The following GALNT14 variants were observed in gnomAD, a reference collection of about 807,000 sequenced individuals.
GALNT14 encodes the protein polypeptide N-acetylgalactosaminyltransferase 14, also known as UDP-GalNAc:polypeptide N-acetylgalactosaminyltransferase 14.
GALNT14 carries 60 observed loss-of-function variants against 77.5 expected under a neutral mutation model. The ratio of observed to expected loss-of-function variants is 0.77; its 90% confidence interval spans 0.63 to 0.96. The LOEUF (loss-of-function observed/expected upper bound fraction) is 0.96. Ranked by LOEUF, GALNT14 falls within the 40% of genes least tolerant of loss-of-function variation. The probability of loss-of-function intolerance (pLI) is 0.00; values close to 1 mark genes in which losing one functional copy is unlikely to be tolerated. For missense variants in GALNT14, 710 were observed against 731.0 expected (o/e 0.97, Z 0.33); for synonymous variants, 280 against 281.7 (o/e 0.99, Z 0.06).
chr2:30,986,132 T>C lies in GALNT14; in HGVS notation c.299+6706A>G, dbSNP rs929321004. Among the ~76,000 whole-genome samples the C allele has an allele frequency of 8.5e-5, 13 of 152,090 alleles. No individual in the cohort carries two copies. In the South Asian group the frequency reaches 2.7e-3, roughly 32 times the overall value. ...ATGTATCAAAGTGTAGAATTTTCCCTACAGGCAAGTGATGGGCGCCCCACT... is the reference window on the plus strand; with the variant it reads ...ATGTATCAAAGTGTAGAATTTTCCCCACAGGCAAGTGATGGGCGCCCCACT... On this transcript the variant is annotated intron_variant, in intron 2 of 14. Transcript: ENST00000349752.
At chr2:30,979,291 TG>T (rs1668838019) in intron 2 of GALNT14, among the ~76,000 whole-genome samples, 1 of 150,576 alleles carries the variant, frequency 6.6e-6, no homozygotes, top group Admixed American at 6.6e-5. Context: ...AAAATGGGAG[TG>T]GGGGGAGAGC....
intron 1 of GALNT14, chr2:31,132,651 C>T (rs921581964): frequency 1.7e-5 from 8 of 460,326 alleles, no homozygotes; most frequent in African/African-American, 1.4e-4. Context: ...CATCTTGCTT[C>T]TAACTTCCAA....
At chr2:30,953,302 T>TTCC (rs1408729598) in intron 6 of GALNT14, among the ~76,000 whole-genome samples, 1 of 145,964 alleles carries the variant, frequency 6.9e-6, no homozygotes, top group African/African-American at 2.6e-5. Context: ...AATAATTTCC[T>TTCC]TCCTTTTTTT....
At chr2:31,101,669 G>T (rs1677283907) in intron 1 of GALNT14, among the ~76,000 whole-genome samples, 1 of 152,000 alleles carries the variant, frequency 6.6e-6, no homozygotes. Context: ...CTTATTGTAT[G>T]CATCTGCACT....
intron 13 of GALNT14, among the ~76,000 whole-genome samples, chr2:30,920,402 G>A (rs1349027103): frequency 6.6e-6 from 1 of 152,146 alleles, no homozygotes; most frequent in African/African-American, 2.4e-5. Context: ...GGGGTTTGAG[G>A]GGCAGATGTG....
intron 4 of GALNT14, among the ~76,000 whole-genome samples, chr2:30,957,344 G>A (rs539600532): frequency 2.0e-4 from 31 of 152,232 alleles, no homozygotes; most frequent in African/African-American, 6.3e-4. Context: ...GTGATTTACA[G>A]GTCTAGGATT....
At chr2:30,895,432 A>G in the GALNT14 span, among the ~76,000 whole-genome samples, 1 of 152,198 alleles carries the variant, frequency 6.6e-6, no homozygotes, top group South Asian at 2.1e-4. Context: ...CCTGCCTCCC[A>G]CAGCCCTCCT....
intron 6 of GALNT14, among the ~76,000 whole-genome samples, chr2:30,951,760 A>G (rs72853902): frequency 0.018 from 2,712 of 152,330 alleles, 30 homozygotes; most frequent in Admixed American, 0.049. Context: ...CTGCACCCAT[A>G]GAGGCCTGGG....
At chr2:30,952,639 T>G (rs1247171151) in intron 6 of GALNT14, among the ~76,000 whole-genome samples, 3 of 143,342 alleles carry the variant, frequency 2.1e-5, no homozygotes, top group Non-Finnish European at 4.6e-5. Context: ...AGGGATAGCA[T>G]CGGGAGATAT....
In GALNT14 at chr2:30,929,409, C is replaced by T. The variant is rs1665590387; in HGVS notation, c.1137G>A (p.Glu379=). 1.2e-6 allele frequency: 2 copies of T among 1,614,072 alleles called. No homozygotes were observed. The highest frequency in any genetic ancestry group is 3.3e-5 in the Admixed American group (2 of 60,024). ...YYYAARPFAL[E]RPFGNVESRL... is the part of the protein sequence containing the mutation. The stretch of plus-strand genomic sequence containing the variant: ...GGGACACTTACTTCCCGAAGGGCCT[C>T]TCCAGGGCGAATGGCCGGGCAGCGT... The change falls in exon 11 of 15, where the codon GAG becomes GAA. Residue 379 remains glutamate (E), a synonymous_variant. Transcript: ENST00000349752.
At chr2:31,050,694 G>A (rs981107384) in intron 1 of GALNT14, among the ~76,000 whole-genome samples, 3 of 152,022 alleles carry the variant, frequency 2.0e-5, no homozygotes, top group Admixed American at 6.6e-5. Flanking sequence ...GGGGAACTGG[G>A]TGAGGGGTAT....
At chr2:31,095,403 A>G (rs1469354988) in intron 1 of GALNT14, among the ~76,000 whole-genome samples, 1 of 152,108 alleles carries the variant, frequency 6.6e-6, no homozygotes, top group Admixed American at 6.5e-5. Flanking sequence ...CTCAGTAATA[A>G]CTGGACACAC....
intron 1 of GALNT14, among the ~76,000 whole-genome samples, chr2:31,120,064 G>A (rs1428896659): frequency 2.0e-5 from 2 of 98,282 alleles, no homozygotes; most frequent in African/African-American, 3.0e-5. Context: ...GCTGAGGCAG[G>A]AGAATGGCGT....
intron 1 of GALNT14, chr2:31,129,522 A>C: frequency 1.0e-6 from 1 of 985,466 alleles, no homozygotes; most frequent in Non-Finnish European, 1.2e-6. Context: ...TTAATAGCCA[A>C]TTATCTGGGT....
chr2:30,926,004 T>A (rs1017386992), intron 11 of GALNT14, among the ~76,000 whole-genome samples: 2 of 152,122 alleles, frequency 1.3e-5, no homozygotes, highest in Non-Finnish European at 2.9e-5. Context: ...ATCCATGTCT[T>A]TTTCTTCCTG....
downstream of GALNT14, among the ~76,000 whole-genome samples, chr2:30,908,998 C>G (rs896864213): frequency 3.4e-4 from 52 of 152,046 alleles, no homozygotes; most frequent in African/African-American, 1.2e-3. Context: ...GGAAAACTGG[C>G]TAGCCATATG....
intron 1 of GALNT14, among the ~76,000 whole-genome samples, chr2:31,108,081 C>T (rs1243798763): frequency 6.6e-6 from 1 of 152,192 alleles, no homozygotes; most frequent in Non-Finnish European, 1.5e-5. Context: ...GCAGTAAGAA[C>T]ACGCCACTAC....
Position 31,129,694 on chromosome 2 carries a change from G to A in GALNT14, c.129+8264C>T, listed in dbSNP as rs1463718053. On this transcript the variant is annotated intron_variant, in intron 1 of 14. Coordinates refer to ENST00000349752, the MANE Select transcript of GALNT14 (RefSeq NM_024572.4). The stretch of plus-strand genomic sequence containing the variant: ...TGCGAGAGATGGGCACATAAATATT[G>A]ATTGGACCAGTCTCTATGGCTGGGA... 3.4e-6 allele frequency: 3 copies of A among 888,898 alleles called. No individual in the cohort carries two copies. In the African/African-American group the frequency reaches 5.4e-5, roughly 16 times the overall value. 55.1% of individuals were successfully genotyped at this position (888,898 alleles called of 1,614,324 possible). A position where few individuals can be genotyped will look rare whatever the true frequency, so the allele number is the denominator to read the frequency against.
At chr2:30,981,132 C>T (rs1464759863) in intron 2 of GALNT14, among the ~76,000 whole-genome samples, 1 of 152,256 alleles carries the variant, frequency 6.6e-6, no homozygotes, top group Non-Finnish European at 1.5e-5. Context: ...GGACCTTCGT[C>T]CCAGCACAGA....
Sources: gnomAD v4.1 joint callset for allele counts (sites outside exome capture counted in the v4.1 genomes callset) on GRCh38, gnomAD v4.1.1 for gene constraint, MANE v1.5 for transcripts, NCBI Gene and HGNC (gene_info 2026-07-23, HGNC 2026-07-21) for gene names.